Variants in LYPD6B observed in about 807,000 individuals in gnomAD.
The protein encoded by LYPD6B is ly6/PLAUR domain-containing protein 6B.
In LYPD6B, 17 loss-of-function variants were observed where a neutral mutation model predicts 22.8. The observed-to-expected ratio is 0.75, with a 90% confidence interval of 0.51 to 1.12. The LOEUF (loss-of-function observed/expected upper bound fraction) is 1.12. LYPD6B is among the 50% of genes most tolerant of loss of function. The probability of loss-of-function intolerance (pLI) is 0.00; values close to 1 mark genes in which losing one functional copy is unlikely to be tolerated. For synonymous variants in LYPD6B, 106 were observed against 91.6 expected, an observed-to-expected ratio of 1.16 and a Z score of -0.90; for missense variants, 221 against 258.3, an observed-to-expected ratio of 0.86 and a Z score of 0.99.
At chr2:149,040,867 TATTC>T (rs1183105547) in intron 1 of LYPD6B, among the ~76,000 whole-genome samples, 1 of 152,248 alleles carries the variant, frequency 6.6e-6, no homozygotes, top group Non-Finnish European at 1.5e-5. Flanking sequence ...GTTTTTTGTT[TATTC>T]ATTCATTCGA....
chr2:149,115,038 A>G (rs1686935128), intron 1 of LYPD6B, among the ~76,000 whole-genome samples: 4 of 152,094 alleles, frequency 2.6e-5, no homozygotes. Flanking sequence ...CTCCAGGTTC[A>G]ATTGATTCTC....
chr2:149,177,334 G>A (rs1691388160), intron 3 of LYPD6B, among the ~76,000 whole-genome samples: 1 of 152,136 alleles, frequency 6.6e-6, no homozygotes, highest in Non-Finnish European at 1.5e-5. Flanking sequence ...ATGTAGCCAT[G>A]TGGCTAAGGT....
chr2:149,199,637 G>A (rs1056127598), intron 3 of LYPD6B, among the ~76,000 whole-genome samples: 20 of 152,126 alleles, frequency 1.3e-4, no homozygotes, highest in African/African-American at 4.3e-4. Context: ...AAGATGATGG[G>A]GTTGATTGTA....
At chr2:149,180,228 T>A (rs1024837640) in intron 3 of LYPD6B, among the ~76,000 whole-genome samples, 4 of 152,272 alleles carry the variant, frequency 2.6e-5, no homozygotes, top group African/African-American at 9.6e-5. Flanking sequence ...AAAGACAGAT[T>A]TACTAGGGGC....
intron 3 of LYPD6B, among the ~76,000 whole-genome samples, chr2:149,194,622 A>C (rs1396582845): frequency 6.6e-6 from 1 of 152,208 alleles, no homozygotes; most frequent in South Asian, 2.1e-4. Flanking sequence ...GCTGTGGGAC[A>C]TGATGATAAC....
intron 2 of LYPD6B, among the ~76,000 whole-genome samples, chr2:149,158,733 G>T (rs1409324652): frequency 6.6e-6 from 1 of 152,192 alleles, no homozygotes; most frequent in Non-Finnish European, 1.5e-5. Context: ...TTCCAATGCA[G>T]AAAGCATATT....
chr2:149,199,320 C>G (rs1693013928), intron 3 of LYPD6B, among the ~76,000 whole-genome samples: 2 of 152,168 alleles, frequency 1.3e-5, no homozygotes, highest in African/African-American at 4.8e-5. Context: ...GAATTTTCTT[C>G]TAGGTATTTC....
intron 3 of LYPD6B, among the ~76,000 whole-genome samples, chr2:149,174,708 C>G (rs1277549104): frequency 4.0e-5 from 6 of 151,582 alleles, no homozygotes; most frequent in Admixed American, 3.3e-4. Flanking sequence ...TATGTTGAAC[C>G]AACCTTGCAT....
In LYPD6B at chr2:149,197,684, C is replaced by T. The variant is rs1002613120; in HGVS notation, c.78-7569C>T. Among the ~76,000 whole-genome samples the T allele has an allele frequency of 7.2e-5, 11 of 152,156 alleles. No individual in the cohort carries two copies. The East Asian group carries it at 9.6e-4, about 13-fold the overall frequency. On this transcript the variant is annotated intron_variant, in intron 3 of 6. Coordinates refer to ENST00000409642, the MANE Select transcript of LYPD6B (RefSeq NM_177964.5). Reference sequence around the variant, plus strand: ...TTTTCTCAAATAATGAGAATCAGTGCGTCCCATGTCTCCCCTGGCTTCTAG... The same window carrying T: ...TTTTCTCAAATAATGAGAATCAGTGTGTCCCATGTCTCCCCTGGCTTCTAG...
chr2:149,165,781 TG>T (rs1212806422), intron 3 of LYPD6B, among the ~76,000 whole-genome samples: 1 of 152,186 alleles, frequency 6.6e-6, no homozygotes, highest in Non-Finnish European at 1.5e-5. Flanking sequence ...TTAACCCTAA[TG>T]CTTCTCAAGT....
chr2:149,104,158 A>T (rs761128728), intron 1 of LYPD6B, among the ~76,000 whole-genome samples: 6 of 152,088 alleles, frequency 3.9e-5, no homozygotes, highest in Non-Finnish European at 7.4e-5. Flanking sequence ...TTGCCTGTTG[A>T]TGGACATTTG....
intron 1 of LYPD6B, among the ~76,000 whole-genome samples, chr2:149,098,602 G>A (rs1239317068): frequency 2.3e-5 from 3 of 130,666 alleles, no homozygotes; most frequent in Non-Finnish European, 4.7e-5. Context: ...ACTCCAGCCT[G>A]GGTGACAAGA....
intron 2 of LYPD6B, among the ~76,000 whole-genome samples, chr2:149,146,968 A>G (rs1689066160): frequency 6.6e-6 from 1 of 152,214 alleles, no homozygotes; most frequent in Non-Finnish European, 1.5e-5. Flanking sequence ...TGAATCACGA[A>G]TACGGGTGCC....
intron 2 of LYPD6B, among the ~76,000 whole-genome samples, chr2:149,135,138 A>G (rs1018500687): frequency 1.4e-5 from 2 of 144,730 alleles, no homozygotes; most frequent in Non-Finnish European, 3.1e-5. Flanking sequence ...CTAGCTACTT[A>G]GGAGGCTGAG....
intron 1 of LYPD6B, among the ~76,000 whole-genome samples, chr2:149,040,131 C>CAG (rs1021815830): frequency 6.6e-6 from 1 of 151,986 alleles, no homozygotes; most frequent in African/African-American, 2.4e-5. Context: ...TCTGCTCCTT[C>CAG]AGAGAGAGAG....
intron 2 of LYPD6B, among the ~76,000 whole-genome samples, chr2:149,152,998 T>A (rs907020724): frequency 6.6e-6 from 1 of 152,174 alleles, no homozygotes; most frequent in African/African-American, 2.4e-5. Flanking sequence ...AGTCCCCTAA[T>A]GGAGCAGTAA....
chr2:149,082,853 G>A (rs537378166), intron 1 of LYPD6B, among the ~76,000 whole-genome samples: 2 of 152,224 alleles, frequency 1.3e-5, no homozygotes, highest in East Asian at 1.9e-4. Context: ...GCTTGTCAGC[G>A]GAACCTGACT....
At chr2:149,066,333 C>G (rs1262826516) in intron 1 of LYPD6B, among the ~76,000 whole-genome samples, 1 of 151,926 alleles carries the variant, frequency 6.6e-6, no homozygotes, top group African/African-American at 2.4e-5. Flanking sequence ...CCCGTCCCCC[C>G]ACCCCACAAC....
chr2:149,060,989 T>G (rs1295169324), intron 1 of LYPD6B, among the ~76,000 whole-genome samples: 2 of 152,146 alleles, frequency 1.3e-5, no homozygotes, highest in Non-Finnish European at 2.9e-5. Flanking sequence ...ACTTAACCTT[T>G]GGGCCTAGCA....
Sources: allele counts gnomAD v4.1 joint callset (sites outside exome capture counted in the v4.1 genomes callset), GRCh38; gene constraint gnomAD v4.1.1; transcripts MANE v1.5; gene names NCBI Gene and HGNC (gene_info 2026-07-23, HGNC 2026-07-21).